The following KRABD3 variants were observed in gnomAD, a reference collection of about 807,000 sequenced individuals.
The protein encoded by KRABD3 is KRAB domain-containing protein 3.
At chr7:149,726,384 G>A in the KRABD3 span, among the ~76,000 whole-genome samples, 1 of 152,070 alleles carries the variant, frequency 6.6e-6, no homozygotes, top group Non-Finnish European at 1.5e-5. Context: ...ATCAGTTGAG[G>A]CCAGGAGTTT....
At chr7:149,728,154 G>C in the KRABD3 span, among the ~76,000 whole-genome samples, 1 of 152,284 alleles carries the variant, frequency 6.6e-6, no homozygotes, top group Admixed American at 6.5e-5. Flanking sequence ...TTGCCCTGCT[G>C]TGAGTGGTGA....
chr7:149,728,640 G>T, the KRABD3 span: 1 of 1,613,508 alleles, frequency 6.2e-7, no homozygotes, highest in Admixed American at 1.7e-5. Context: ...GGACCGAGGA[G>T]AGCAGAGCCC....
chr7:149,728,827 T>C, the KRABD3 span, among the ~76,000 whole-genome samples: 1 of 152,230 alleles, frequency 6.6e-6, no homozygotes, highest in East Asian at 1.9e-4. Flanking sequence ...GAAAGCCAGA[T>C]AGTCTGCAGC....
the KRABD3 span, chr7:149,724,649 C>T: frequency 8.6e-6 from 13 of 1,517,690 alleles, no homozygotes; most frequent in South Asian, 2.6e-5. Context: ...CCTCCTCCCG[C>T]AGGGCCTGGA....
chr7:149,733,323 A>G, the KRABD3 span: 1 of 1,612,412 alleles, frequency 6.2e-7, no homozygotes, highest in Non-Finnish European at 8.5e-7. Context: ...TCCTCCCTGC[A>G]GCCGCCATGC....
chr7:149,720,851 C>T, the KRABD3 span: 1 of 1,595,714 alleles, frequency 6.3e-7, no homozygotes. Flanking sequence ...AGCCCCGGCA[C>T]AGCCTGCACC....
At chr7:149,728,552 G>C in the KRABD3 span, 1 of 1,613,698 alleles carries the variant, frequency 6.2e-7, no homozygotes, top group Non-Finnish European at 8.5e-7. Context: ...CCCACTGCAG[G>C]GTCTGGAGAA....
At chr7:149,734,056 C>T in the KRABD3 span, 1 of 1,592,646 alleles carries the variant, frequency 6.3e-7, no homozygotes. Context: ...GATGGCATTC[C>T]TCTTCTCCAC....
chr7:149,720,861 C>T, the KRABD3 span: 9 of 1,601,226 alleles, frequency 5.6e-6, no homozygotes, highest in Non-Finnish European at 6.8e-6. Context: ...CAGCCTGCAC[C>T]TCACAGCCCT....
chr7:149,732,606 T>G, the KRABD3 span, among the ~76,000 whole-genome samples: 1 of 148,494 alleles, frequency 6.7e-6, no homozygotes, highest in African/African-American at 2.5e-5. This position sits in a 1 kb window ranked among gnomAD's most constrained non-coding sequence, Gnocchi z 4.0. Flanking sequence ...AAGGATTAGG[T>G]GATCTTTTTT....
At chr7:149,715,035 C>A in the KRABD3 span, 1 of 1,228,712 alleles carries the variant, frequency 8.1e-7, no homozygotes, top group Non-Finnish European at 1.0e-6. Context: ...CGAGGAGTGG[C>A]GGGGAGGCTG....
the KRABD3 span, chr7:149,725,489 G>A: frequency 5.0e-6 from 8 of 1,601,000 alleles, no homozygotes; most frequent in Non-Finnish European, 6.8e-6. Flanking sequence ...CACAGTGAAG[G>A]TAGATTGTGG....
the KRABD3 span, among the ~76,000 whole-genome samples, chr7:149,723,270 C>T: frequency 6.6e-6 from 1 of 152,178 alleles, no homozygotes; most frequent in African/African-American, 2.4e-5. Flanking sequence ...ATGGGGTGGG[C>T]TTGGGCTCTG....
the KRABD3 span, chr7:149,723,833 G>C: frequency 5.0e-6 from 8 of 1,613,860 alleles, no homozygotes; most frequent in South Asian, 8.8e-5. Flanking sequence ...AGTCCCTCAG[G>C]AGTGGGGAAC....
At chr7:149,725,036 G>A in the KRABD3 span, among the ~76,000 whole-genome samples, 8 of 152,190 alleles carry the variant, frequency 5.3e-5, no homozygotes, top group South Asian at 2.1e-4. Flanking sequence ...CCGCTGCCTC[G>A]GGGCCTTCGT....
the KRABD3 span, chr7:149,719,665 C>T: frequency 6.2e-7 from 1 of 1,606,418 alleles, no homozygotes; most frequent in Non-Finnish European, 8.5e-7. This position sits in a 1 kb window ranked among gnomAD's most constrained non-coding sequence, Gnocchi z 5.6. Flanking sequence ...AGACGCTGGT[C>T]TCTGTGGGTA....
At chr7:149,715,427 AAGAT>A in the KRABD3 span, 13 of 926,834 alleles carry the variant, frequency 1.4e-5, no homozygotes, top group Non-Finnish European at 1.7e-5. Context: ...GGGAGAAACA[AAGAT>A]AGAACAAACC....
chr7:149,730,849 TGTG>T, the KRABD3 span: 1 of 467,842 alleles, frequency 2.1e-6, no homozygotes, highest in East Asian at 3.2e-5. Context: ...TGTAGACAGA[TGTG>T]GATGTATTTA....
the KRABD3 span, among the ~76,000 whole-genome samples, chr7:149,719,151 C>T: frequency 1.3e-5 from 2 of 152,208 alleles, no homozygotes; most frequent in Admixed American, 6.5e-5. The surrounding 1 kb of genome is among the most constrained non-coding windows in gnomAD (Gnocchi z 5.6). Context: ...CATTCCTTGG[C>T]TTGTGGCTGC....
Sources: allele counts gnomAD v4.1 joint callset (sites outside exome capture counted in the v4.1 genomes callset), GRCh38; gene constraint gnomAD v4.1.1; non-coding constraint Gnocchi (gnomAD v3.1); transcripts MANE v1.5; gene names NCBI Gene and HGNC (gene_info 2026-07-23, HGNC 2026-07-21).